The following XRN2 variants were observed in gnomAD, a reference collection of about 807,000 sequenced individuals.
The protein encoded by XRN2 is DHM1-like protein.
XRN2 carries 44 observed loss-of-function variants against 138.5 expected under a neutral mutation model. The observed-to-expected ratio is 0.32, with a 90% CI of 0.25 to 0.41. The LOEUF is 0.41. XRN2 is among the 10% of genes least tolerant of loss of function. The pLI is 1.00. For synonymous variants in XRN2, 354 were observed against 369.4 expected, an observed-to-expected ratio of 0.96 and a Z score of 0.48; for missense variants, 937 against 1,169.3, an observed-to-expected ratio of 0.80 and a Z score of 2.90.
At chr20:21,308,921 A>G (rs1014695153) in intron 1 of XRN2, among the ~76,000 whole-genome samples, 2 of 152,160 alleles carry the variant, frequency 1.3e-5, no homozygotes, top group Admixed American at 6.5e-5. Context: ...GAGAAGTTTT[A>G]TAGTTTTACT....
intron 1 of XRN2, among the ~76,000 whole-genome samples, chr20:21,319,599 A>G (rs903998862): frequency 1.4e-4 from 21 of 152,120 alleles, no homozygotes; most frequent in African/African-American, 5.1e-4. Flanking sequence ...TCATTGTTCT[A>G]GAGCTTACCC....
intron 9 of XRN2, 29 bp downstream of exon 9, chr20:21,332,469 A>AT: frequency 1.4e-6 from 2 of 1,453,178 alleles, no homozygotes; most frequent in Non-Finnish European, 1.8e-6. Context: ...TAGTTGCCTC[A>AT]TTAAAAAAAA....
chr20:21,323,608 A>C (rs1402955089), intron 1 of XRN2, among the ~76,000 whole-genome samples: 1 of 152,220 alleles, frequency 6.6e-6, no homozygotes, highest in East Asian at 1.9e-4. Context: ...ACATGTCTAC[A>C]GTACTCTTGA....
intron 1 of XRN2, among the ~76,000 whole-genome samples, chr20:21,323,191 C>T (rs1264155557): frequency 1.3e-5 from 2 of 152,202 alleles, no homozygotes; most frequent in Non-Finnish European, 2.9e-5. Context: ...GGAGGTACTG[C>T]ACTCCATCTT....
At chr20:21,349,279 C>A in intron 19 of XRN2, 110 bp from the exon 20 acceptor site, 1 of 749,174 alleles carries the variant, frequency 1.3e-6, no homozygotes, top group East Asian at 2.6e-5. Flanking sequence ...AAAAGGAATG[C>A]ACTTTATTTT....
At chr20:21,384,117 C>G (rs2038913309) in intron 28 of XRN2, among the ~76,000 whole-genome samples, 1 of 152,060 alleles carries the variant, frequency 6.6e-6, no homozygotes, top group South Asian at 2.1e-4. Flanking sequence ...ATCCATATAT[C>G]CAGTAGATTT....
chr20:21,349,588 C>T (rs753935381), intron 20 of XRN2, 127 bp downstream of exon 20: 3 of 804,260 alleles, frequency 3.7e-6, no homozygotes, highest in Non-Finnish European at 5.9e-6. Flanking sequence ...ACAAAAAATA[C>T]AAAAATTAGC....
At chr20:21,322,247 G>A (rs202835) in intron 1 of XRN2, among the ~76,000 whole-genome samples, 20,879 of 152,056 alleles carry the variant, frequency 0.14, 1,777 homozygotes, top group Non-Finnish European at 0.19. Context: ...CACTAACGTC[G>A]TATAAAAATG....
rs560122168 is a variant in XRN2, at chr20:21,340,715, T to C, written c.1279-6T>C. ...TTAATTTCTACATTCATTCCATTTA[T>C]GTTAGAGAGATCAACCAGCTTTCAC... On this transcript the variant is annotated splice_region_variant and splice_polypyrimidine_tract_variant and intron_variant, in intron 14 of 29. Coordinates refer to ENST00000377191, the MANE Select transcript of XRN2 (RefSeq NM_012255.5). The C allele has an allele frequency of 4.3e-6, 7 of 1,613,498 alleles. 1 individual carries two copies. Among genetic ancestry groups the C allele is most frequent in the South Asian group, 2.2e-5 (2 of 91,004 alleles).
chr20:21,339,135 A>G (rs1398925482), intron 14 of XRN2, 47 bp downstream of exon 14: 1 of 1,548,708 alleles, frequency 6.5e-7, no homozygotes, highest in Non-Finnish European at 8.9e-7. Flanking sequence ...GTAATTTTAC[A>G]ATTTATGAGG....
chr20:21,351,539 A>G (rs1487457257), intron 20 of XRN2, among the ~76,000 whole-genome samples: 1 of 152,050 alleles, frequency 6.6e-6, no homozygotes, highest in African/African-American at 2.4e-5. Flanking sequence ...TATTCTGTGG[A>G]TTATCTTTTC....
At chr20:21,360,481 C>T (rs1411579763) in intron 24 of XRN2, among the ~76,000 whole-genome samples, 21 of 150,532 alleles carry the variant, frequency 1.4e-4, no homozygotes, top group South Asian at 8.4e-4. Context: ...TCTCATAGCA[C>T]CTAGCAGAGT....
chr20:21,333,893 G>C, intron 11 of XRN2, 44 bp from the exon 12 acceptor site: 1 of 1,614,066 alleles, frequency 6.2e-7, no homozygotes, highest in Non-Finnish European at 8.5e-7. Context: ...TGACTTTACT[G>C]TGCCTACTGG....
intron 28 of XRN2, among the ~76,000 whole-genome samples, chr20:21,382,895 G>A (rs999839630): frequency 1.3e-5 from 2 of 152,100 alleles, no homozygotes; most frequent in African/African-American, 4.8e-5. Context: ...AACAAATTAA[G>A]CCCCATCATA....
At chr20:21,382,725 T>A (rs970796036) in intron 28 of XRN2, among the ~76,000 whole-genome samples, 4 of 152,240 alleles carry the variant, frequency 2.6e-5, no homozygotes, top group African/African-American at 9.6e-5. Context: ...TTAACATGTA[T>A]TCCTTCATTG....
At chr20:21,303,738 G>A (rs905452308) in intron 1 of XRN2, 3 of 1,216,644 alleles carry the variant, frequency 2.5e-6, no homozygotes, top group Non-Finnish European at 3.1e-6. Flanking sequence ...TCCCCTACTC[G>A]CTTTTTCCCG....
At chr20:21,305,407 C>T (rs1275224985) in intron 1 of XRN2, among the ~76,000 whole-genome samples, 3 of 151,914 alleles carry the variant, frequency 2.0e-5, no homozygotes, top group African/African-American at 4.8e-5. Context: ...TACAGGTGTG[C>T]GCCGCCACGC....
At chr20:21,331,438 C>CACACACACACA in intron 6 of XRN2, 123 bp from the exon 7 acceptor site, 1 of 686,766 alleles carries the variant, frequency 1.5e-6, no homozygotes, top group Non-Finnish European at 2.5e-6. Flanking sequence ...CACACACACA[C>CACACACACACA]CCTTATTCAG....
At chr20:21,345,614 G>T (rs959395940) in intron 16 of XRN2, among the ~76,000 whole-genome samples, 2 of 152,090 alleles carry the variant, frequency 1.3e-5, no homozygotes, top group African/African-American at 2.4e-5. Context: ...AAATCTTAGA[G>T]AATAAGAAAT....
Sources: gnomAD v4.1 joint callset for allele counts (sites outside exome capture counted in the v4.1 genomes callset) on GRCh38, gnomAD v4.1.1 for gene constraint, MANE v1.5 for transcripts, NCBI Gene and HGNC (gene_info 2026-07-23, HGNC 2026-07-21) for gene names.